COL20A1: variants seen among roughly 807,000 people sequenced by gnomAD.
COL20A1 encodes the protein collagen type XX alpha 1 chain.
COL20A1 carries 164 observed loss-of-function variants against 152.9 expected under a neutral mutation model. The ratio of observed to expected loss-of-function variants is 1.07; its 90% CI spans 0.94 to 1.22. The LOEUF (loss-of-function observed/expected upper bound fraction) is 1.22, where lower values mean the gene tolerates loss of function less well. COL20A1 is among the 50% of genes most tolerant of loss of function. The pLI, the probability that COL20A1 is intolerant of heterozygous loss-of-function variation, is 0.00. For missense variants in COL20A1, 1,873 were observed against 1,744.8 expected (o/e 1.07, Z -1.31); for synonymous variants, 864 against 756.0 (o/e 1.14, Z -2.34).
rs754885601 is a variant in COL20A1 at position 63,309,529 on chromosome 20, G to GC, written c.1105+39dup. On this transcript the variant is annotated intron_variant, in intron 9 of 35. Coordinates refer to ENST00000358894, the MANE Select transcript of COL20A1 (RefSeq NM_020882.4). ...GGCAGGGTCACCCGCACAGGCTGCA[G>GC]CCCCCCCGGCTGCTTTGGGCAAAGG... 1.8e-4 allele frequency: 267 copies of GC among 1,463,058 alleles called. 1 individual carries two copies. The Middle Eastern group carries it at 2.6e-3, about 14-fold the overall frequency. 90.6% of individuals were successfully genotyped at this position (1,463,058 alleles called of 1,614,324 possible).
chr20:63,307,146 C>T (rs560507050), intron 5 of COL20A1, among the ~76,000 whole-genome samples: 28 of 152,326 alleles, frequency 1.8e-4, no homozygotes, highest in South Asian at 8.3e-4. Context: ...GCGGTGCTCA[C>T]GGCGGCTCTG....
At chr20:63,309,178 G>A (rs974267922) in intron 8 of COL20A1, among the ~76,000 whole-genome samples, 155 bp from the exon 9 acceptor site, 10 of 152,300 alleles carry the variant, frequency 6.6e-5, no homozygotes, top group African/African-American at 1.4e-4. Context: ...CCAACCCCTC[G>A]GGAGCGCCTG....
chr20:63,319,524 C>G lies in COL20A1; in HGVS notation c.2844C>G (p.Pro948=). Residue 948 remains proline (P), a synonymous_variant, in exon 23 of 36, where the codon CCC becomes CCG. Transcript: ENST00000358894. The surrounding 1 kb of genome is among the most constrained non-coding windows in gnomAD (Gnocchi z 4.4). ...KKSLTYFHRD[P]RAALQEATFD... ...CCCTGACCTACTTCCACCGTGACCCCAGGGCTGCCTTGCAGGAGGCCACCT... is the reference window on the plus strand; with the variant it reads ...CCCTGACCTACTTCCACCGTGACCCGAGGGCTGCCTTGCAGGAGGCCACCT... 6.3e-7 allele frequency: 1 copy of G among 1,595,176 alleles called. No individual in the cohort carries two copies. The highest frequency in any genetic ancestry group is 8.5e-7 in the Non-Finnish European group (1 of 1,171,716).
In COL20A1 at chr20:63,325,394, C is replaced by A. The variant is rs769545315; in HGVS notation, c.3295-47C>A. 3 of 1,431,662 alleles carry A rather than the reference C, an allele frequency of 2.1e-6. No homozygotes were observed. The South Asian group carries it at 3.5e-5, about 17-fold the overall frequency. 88.7% of individuals were successfully genotyped at this position (1,431,662 alleles called of 1,614,324 possible). The stretch of plus-strand genomic sequence containing the variant: ...GTGTCACTCCTTCCCTGCCCTCCTG[C>A]CCTGTGCCCCCTCCGCTTCGCTGTC... On this transcript the variant is annotated intron_variant, in intron 27 of 35. Coordinates refer to ENST00000358894, the MANE Select transcript of COL20A1 (RefSeq NM_020882.4).
chr20:63,305,242 A>T lies in COL20A1; in HGVS notation c.194-175A>T, dbSNP rs981485111. 6.6e-6 allele frequency among the ~76,000 whole-genome samples: 1 copy of T among 151,676 alleles called. No homozygotes were observed. The highest frequency in any genetic ancestry group is 2.4e-5 in the African/African-American group (1 of 41,228). On this transcript the variant is annotated intron_variant, in intron 3 of 35. Transcript: ENST00000358894. The surrounding 1 kb of genome is among the most constrained non-coding windows in gnomAD (Gnocchi z 4.9). ...CCCCAAGACCCCCATTCTCTGTCAC[A>T]TTATTACCCAGGAGCCCATGTCCCT...
At position 63,311,426 on chromosome 20, in the gene COL20A1, G is replaced by C; in HGVS notation, c.1426G>C (p.Ala476Pro). Residue 476 changes from alanine to proline, a missense_variant, in exon 12 of 36, where the codon GCC (alanine) becomes CCC (proline). By Grantham distance (27) the Ala-to-Pro change is conservative. Transcript: ENST00000358894. This position sits in a 1 kb window ranked among gnomAD's most constrained non-coding sequence, Gnocchi z 4.4. ...PLPPPRALTL[A>P]AVTPRTVHLT... ...GCCTCCGCCCCGGGCGCTGACCCTG[G>C]CCGCAGTGACGCCCAGAACCGTCCA... 1 of 1,577,452 alleles carries C rather than the reference G, an allele frequency of 6.3e-7. No homozygotes were observed.
At chr20:63,316,436 C>T in intron 20 of COL20A1, 117 bp from the exon 21 acceptor site, 1 of 546,372 alleles carries the variant, frequency 1.8e-6, no homozygotes, top group South Asian at 2.4e-5. Context: ...CGTCACCCCT[C>T]CCTCCCACCG....
intron 14 of COL20A1, 41 bp downstream of exon 14, chr20:63,312,096 A>T: frequency 6.6e-7 from 1 of 1,510,626 alleles, no homozygotes; most frequent in Non-Finnish European, 8.8e-7. Flanking sequence ...GTCTTGAGGG[A>T]CCACAGGGCC....
chr20:63,294,216 G>GGA, intron 1 of COL20A1, among the ~76,000 whole-genome samples: 1 of 139,732 alleles, frequency 7.2e-6, no homozygotes, highest in African/African-American at 2.7e-5. Flanking sequence ...GGGGACTGGG[G>GGA]GTGCAGGGGA....
intron 15 of COL20A1, 34 bp from the exon 16 acceptor site, chr20:63,312,758 C>T: frequency 6.6e-7 from 1 of 1,514,914 alleles, no homozygotes; most frequent in Non-Finnish European, 8.9e-7. Flanking sequence ...GGCTCAGGGG[C>T]TACACCCCCA....
intron 27 of COL20A1, among the ~76,000 whole-genome samples, chr20:63,322,438 G>A (rs924827210): frequency 5.3e-5 from 8 of 152,230 alleles, no homozygotes; most frequent in African/African-American, 1.4e-4. Context: ...TGTCCTATTG[G>A]CCCTGAAGGC....
At position 63,305,469 on chromosome 20, in the gene COL20A1, G is replaced by C. The variant is rs201791689; in HGVS notation, c.246G>C (p.Val82=). Residue 82 remains valine, a synonymous_variant, in exon 4 of 36, where the codon GTG becomes GTC. Transcript: ENST00000358894. The surrounding 1 kb of genome is among the most constrained non-coding windows in gnomAD (Gnocchi z 4.9). The part of the protein sequence containing the change: ...ILTTKTPKAT[V]GGLSPSKGYT... ...CCACCAAGACCCCTAAGGCCACAGT[G>C]GGGGGCCTGAGCCCCTCCAAGGGCT... 1.1e-5 allele frequency: 18 copies of C among 1,602,812 alleles called. No individual in the cohort carries two copies. The highest frequency in any genetic ancestry group is 1.0e-4 in the Admixed American group (6 of 58,540).
chr20:63,305,865 T>C lies in COL20A1; in HGVS notation c.338-16T>C, dbSNP rs2067917941. 1.2e-6 allele frequency: 2 copies of C among 1,612,586 alleles called. No individual in the cohort carries two copies. On this transcript the variant is annotated splice_polypyrimidine_tract_variant and intron_variant, in intron 4 of 35. Coordinates refer to ENST00000358894, the MANE Select transcript of COL20A1 (RefSeq NM_020882.4). This position sits in a 1 kb window ranked among gnomAD's most constrained non-coding sequence, Gnocchi z 4.9. ...CCTCCACTCCCACCCTGATGGCTCT[T>C]TGTGTCTCCCTGCAGTTGAGGATCT... is the stretch of plus-strand genomic sequence containing the variant.
rs376053524 is a variant in COL20A1, at chr20:63,310,493, G to T, written c.1376G>T (p.Arg459Leu). 6.2e-6 allele frequency: 10 copies of T among 1,600,784 alleles called. No individual in the cohort carries two copies. In the African/African-American group the frequency reaches 1.3e-4, roughly 21 times the overall value. ...IYEGGVGEGL[R>L]GLVTTAPLPP... ...GAGGGCGGGGTTGGCGAAGGCCTGC[G>T]GGGCCTGGTGACCACAGGTAGGTGG... Residue 459 changes from arginine to leucine, a missense_variant, in exon 11 of 36, where the codon CGG (arginine) becomes CTG (leucine). Arg to Leu is a moderately radical substitution (Grantham distance 102). Coordinates refer to ENST00000358894, the MANE Select transcript of COL20A1 (RefSeq NM_020882.4).
rs2067915703 is a variant in COL20A1 at position 63,305,674 on chromosome 20, G to A, written c.337+114G>A. 3 of 1,263,920 alleles carry A rather than the reference G, an allele frequency of 2.4e-6. No homozygotes were observed. The highest frequency in any genetic ancestry group is 1.1e-6 in the Non-Finnish European group (1 of 924,058). 78.3% of individuals were successfully genotyped at this position (1,263,920 alleles called of 1,614,324 possible). On this transcript the variant is annotated intron_variant, in intron 4 of 35. Transcript: ENST00000358894. The surrounding 1 kb of genome is among the most constrained non-coding windows in gnomAD (Gnocchi z 4.9). The stretch of plus-strand genomic sequence containing the variant: ...GCGTTCCAGCCCCAGGGGTGGGTAT[G>A]TGTGAAGCAGTTCTGGGCTGTGCTA...
intron 8 of COL20A1, among the ~76,000 whole-genome samples, chr20:63,309,105 T>G: frequency 6.6e-6 from 1 of 152,168 alleles, no homozygotes; most frequent in Non-Finnish European, 1.5e-5. Context: ...CTCTGTCCTG[T>G]GGGGAGGAAA....
At chr20:63,297,378 AG>A (rs1304847135) in intron 2 of COL20A1, among the ~76,000 whole-genome samples, 1 of 141,516 alleles carries the variant, frequency 7.1e-6, no homozygotes, top group Non-Finnish European at 1.5e-5. Context: ...GACTCAGCTC[AG>A]GGGACCCAGC....
Position 63,308,716 on chromosome 20 carries a change from A to G in COL20A1, c.940+10A>G, listed in dbSNP as rs763134857. The G allele has an allele frequency of 2.0e-5, 32 of 1,580,346 alleles. No homozygotes were observed. The highest frequency in any genetic ancestry group is 5.4e-5 in the African/African-American group (4 of 74,186). On this transcript the variant is annotated intron_variant, in intron 8 of 35. Transcript: ENST00000358894. ...AACGTCTTCGCTGTGGGTGAGCACC[A>G]TGCGGCTCCCCCGGCCCTGGAGTCT...
rs564471289 is a variant in COL20A1, at chr20:63,306,043, G to A, written c.496+4G>A. ...AGCCAGGATCCGCGCACTCCTGGTG[G>A]GTCAGAGTGGAGAGAGAGTAAGTCT... On this transcript the variant is annotated splice_donor_region_variant and intron_variant, in intron 5 of 35. Coordinates refer to ENST00000358894, the MANE Select transcript of COL20A1 (RefSeq NM_020882.4). The surrounding 1 kb of genome is among the most constrained non-coding windows in gnomAD (Gnocchi z 6.9). 17 of 1,596,586 alleles carry A rather than the reference G, an allele frequency of 1.1e-5. No homozygotes were observed. Among genetic ancestry groups the A allele is most frequent in the South Asian group, 3.4e-5 (3 of 88,684 alleles).
Sources: gnomAD v4.1 joint callset for allele counts (sites outside exome capture counted in the v4.1 genomes callset) on GRCh38, gnomAD v4.1.1 for gene constraint, Gnocchi (gnomAD v3.1) non-coding constraint, MANE v1.5 for transcripts, NCBI Gene and HGNC (gene_info 2026-07-23, HGNC 2026-07-21) for gene names.